The following DRC11 variants were observed in gnomAD, a reference collection of about 807,000 sequenced individuals.
The protein encoded by DRC11 is IQ and AAA domain-containing protein 1.
At chr2:236,323,899 C>A in the DRC11 span, among the ~76,000 whole-genome samples, 1 of 151,932 alleles carries the variant, frequency 6.6e-6, no homozygotes, top group East Asian at 1.9e-4. This position sits in a 1 kb window ranked among gnomAD's most constrained non-coding sequence, Gnocchi z 6.4. Context: ...TCTTATGTAC[C>A]CTGTGTTATT....
chr2:236,412,154 C>T, the DRC11 span, among the ~76,000 whole-genome samples: 1 of 152,184 alleles, frequency 6.6e-6, no homozygotes, highest in South Asian at 2.1e-4. Context: ...TCATGGCCTC[C>T]CCAAGTGCTG....
chr2:236,491,242 CACAGTATATATATATATATATATATATAT>C, the DRC11 span, among the ~76,000 whole-genome samples: 18,478 of 63,546 alleles, frequency 0.29, 2,550 homozygotes, highest in Middle Eastern at 0.41. Context: ...TATATATATA[CACAGTATATATATATATATATATATATAT>C]ACACACAGTA....
chr2:236,364,979 T>A, the DRC11 span, among the ~76,000 whole-genome samples: 1 of 152,184 alleles, frequency 6.6e-6, no homozygotes, highest in Non-Finnish European at 1.5e-5. Context: ...TCAATGAGCA[T>A]GCCTTTTTTG....
chr2:236,331,627 A>G, the DRC11 span: 1 of 1,537,206 alleles, frequency 6.5e-7, no homozygotes. The surrounding 1 kb of genome is among the most constrained non-coding windows in gnomAD (Gnocchi z 4.8). Flanking sequence ...CACAGAGAAC[A>G]AGGGTTACCA....
At chr2:236,430,200 C>G in the DRC11 span, among the ~76,000 whole-genome samples, 1 of 97,790 alleles carries the variant, frequency 1.0e-5, no homozygotes, top group African/African-American at 3.8e-5. The surrounding 1 kb of genome is among the most constrained non-coding windows in gnomAD (Gnocchi z 6.0). Context: ...ATACATATAA[C>G]ACACACACAC....
the DRC11 span, among the ~76,000 whole-genome samples, chr2:236,375,759 T>TA: frequency 2.0e-5 from 3 of 152,074 alleles, no homozygotes; most frequent in Admixed American, 6.5e-5. The surrounding 1 kb of genome is among the most constrained non-coding windows in gnomAD (Gnocchi z 4.2). Context: ...ATACATTGAA[T>TA]AAAAAAAGAA....
the DRC11 span, among the ~76,000 whole-genome samples, chr2:236,322,229 C>CTTTTTTTT: frequency 4.1e-5 from 4 of 98,534 alleles, no homozygotes; most frequent in Admixed American, 1.1e-4. Context: ...TTTCTTTCCT[C>CTTTTTTTT]TTTTTTTTTT....
At chr2:236,383,179 T>A in the DRC11 span, among the ~76,000 whole-genome samples, 5 of 152,326 alleles carry the variant, frequency 3.3e-5, no homozygotes, top group African/African-American at 1.2e-4. Flanking sequence ...TTGGTCTTGG[T>A]AGGTTGTATA....
At chr2:236,479,743 A>C in the DRC11 span, among the ~76,000 whole-genome samples, 1 of 152,210 alleles carries the variant, frequency 6.6e-6, no homozygotes, top group African/African-American at 2.4e-5. This position sits in a 1 kb window ranked among gnomAD's most constrained non-coding sequence, Gnocchi z 4.1. Context: ...TTTTAGTCTT[A>C]CTAGAGATAT....
the DRC11 span, chr2:236,343,807 CTT>C: frequency 2.5e-6 from 3 of 1,219,974 alleles, no homozygotes; most frequent in South Asian, 1.3e-5. This position sits in a 1 kb window ranked among gnomAD's most constrained non-coding sequence, Gnocchi z 6.6. Context: ...TCTCTGAAGA[CTT>C]TCTGAAATGA....
At chr2:236,507,162 GAAAA>G in the DRC11 span, 20,330 of 1,365,000 alleles carry the variant, frequency 0.015, 553 homozygotes, top group East Asian at 0.12. Flanking sequence ...GAGGAGAAAA[GAAAA>G]GAAAAAAGAA....
At chr2:236,343,760 T>C in the DRC11 span, 1 of 1,303,536 alleles carries the variant, frequency 7.7e-7, no homozygotes, top group Non-Finnish European at 1.0e-6. The surrounding 1 kb of genome is among the most constrained non-coding windows in gnomAD (Gnocchi z 6.6). Context: ...GCAGAGGGAG[T>C]GAACTACAAG....
the DRC11 span, chr2:236,331,406 T>C: frequency 6.2e-7 from 1 of 1,614,014 alleles, no homozygotes; most frequent in Non-Finnish European, 8.5e-7. This position sits in a 1 kb window ranked among gnomAD's most constrained non-coding sequence, Gnocchi z 4.8. Context: ...ATGCTGGTTA[T>C]CGCCGTAATA....
At chr2:236,326,791 GTTGTGTGTGTGTGTGTGT>G in the DRC11 span, among the ~76,000 whole-genome samples, 1 of 127,642 alleles carries the variant, frequency 7.8e-6, no homozygotes, top group African/African-American at 3.1e-5. Flanking sequence ...TTTCAGATTT[GTTGTGTGTGTGTGTGTGT>G]GTGTGTGTGT....
the DRC11 span, chr2:236,465,665 C>A: frequency 6.2e-7 from 1 of 1,613,512 alleles, no homozygotes; most frequent in African/African-American, 1.3e-5. This position sits in a 1 kb window ranked among gnomAD's most constrained non-coding sequence, Gnocchi z 6.2. Context: ...ACCTTTTCAG[C>A]CTGGATTACT....
At chr2:236,312,276 A>G in the DRC11 span, among the ~76,000 whole-genome samples, 7 of 152,204 alleles carry the variant, frequency 4.6e-5, no homozygotes, top group Admixed American at 3.9e-4. Flanking sequence ...ACAGAGCATT[A>G]TAGTGGCCCA....
At chr2:236,348,902 G>A in the DRC11 span, among the ~76,000 whole-genome samples, 537 of 152,182 alleles carry the variant, frequency 3.5e-3, 5 homozygotes, top group African/African-American at 0.012. This position sits in a 1 kb window ranked among gnomAD's most constrained non-coding sequence, Gnocchi z 7.4. Context: ...TGGCCTCTAC[G>A]TGCTGACCAC....
chr2:236,455,148 T>C, the DRC11 span: 2 of 152,194 alleles, frequency 1.3e-5, no homozygotes, highest in Non-Finnish European at 2.9e-5. The surrounding 1 kb of genome is among the most constrained non-coding windows in gnomAD (Gnocchi z 5.7). Context: ...CCACCATCTG[T>C]TTCCAACAAA....
chr2:236,354,411 CTG>C, the DRC11 span, among the ~76,000 whole-genome samples: 2 of 151,956 alleles, frequency 1.3e-5, no homozygotes, highest in Non-Finnish European at 2.9e-5. Flanking sequence ...CTTATCCAGA[CTG>C]TGTTCAATGG....
Sources: allele counts gnomAD v4.1 joint callset (sites outside exome capture counted in the v4.1 genomes callset), GRCh38; gene constraint gnomAD v4.1.1; non-coding constraint Gnocchi (gnomAD v3.1); transcripts MANE v1.5; gene names NCBI Gene and HGNC (gene_info 2026-07-23, HGNC 2026-07-21).